PI4KA: variants seen among roughly 807,000 people sequenced by gnomAD.
PI4KA encodes the protein PI4-kinase alpha.
Under a neutral mutation model 271.4 loss-of-function variants are expected in PI4KA, and 122 were observed. That is an observed-to-expected ratio of 0.45 (90% CI 0.39 to 0.52). PI4KA has a LOEUF of 0.52. PI4KA is among the 20% of genes least tolerant of loss of function. PI4KA has a pLI of 0.00. For missense variants in PI4KA, 1,969 were observed against 2,769.1 expected (o/e 0.71, Z 6.48); for synonymous variants, 1,041 against 1,078.8 (o/e 0.96, Z 0.69).
chr22:20,756,153 G>A (rs1015755788), intron 23 of PI4KA, among the ~76,000 whole-genome samples: 4 of 152,122 alleles, frequency 2.6e-5, no homozygotes, highest in Non-Finnish European at 4.4e-5. Flanking sequence ...TTTCTTAAGA[G>A]GCTGGGTTGG....
chr22:20,731,853 C>A (rs186758196), intron 36 of PI4KA, among the ~76,000 whole-genome samples: 1 of 151,608 alleles, frequency 6.6e-6, no homozygotes, highest in Non-Finnish European at 1.5e-5. Flanking sequence ...GGTGTGAACC[C>A]GGGAGGCGGA....
At chr22:20,801,403 G>A (rs1935320278) in intron 14 of PI4KA, among the ~76,000 whole-genome samples, 1 of 150,884 alleles carries the variant, frequency 6.6e-6, no homozygotes, top group Non-Finnish European at 1.5e-5. Context: ...GGCCAACATA[G>A]TGAAATCCCA....
chr22:20,762,202 A>G (rs1932038007), intron 22 of PI4KA, among the ~76,000 whole-genome samples: 1 of 152,238 alleles, frequency 6.6e-6, no homozygotes, highest in African/African-American at 2.4e-5. Flanking sequence ...CTAAGGCAGC[A>G]GCGGCTCGGC....
At chr22:20,791,306 C>T (rs1335892104) in intron 19 of PI4KA, among the ~76,000 whole-genome samples, 1 of 152,214 alleles carries the variant, frequency 6.6e-6, no homozygotes, top group African/African-American at 2.4e-5. Context: ...AACTTGCTCT[C>T]CTGCAGAGCC....
intron 1 of PI4KA, among the ~76,000 whole-genome samples, chr22:20,846,321 G>A (rs562485813): frequency 4.1e-5 from 6 of 146,356 alleles, no homozygotes; most frequent in East Asian, 2.0e-4. Context: ...TTTCTACAAC[G>A]CAGCAATGAG....
chr22:20,844,894 G>A (rs1308189887), intron 1 of PI4KA, among the ~76,000 whole-genome samples: 1 of 152,092 alleles, frequency 6.6e-6, no homozygotes, highest in Non-Finnish European at 1.5e-5. Flanking sequence ...TTGAAAAAAT[G>A]AAAAGAAAAA....
At chr22:20,803,421 C>T (rs1935456170) in intron 12 of PI4KA, 101 bp from the exon 13 acceptor site, 1 of 1,457,810 alleles carries the variant, frequency 6.9e-7, no homozygotes, top group African/African-American at 1.4e-5. Flanking sequence ...CAAGTCTGAC[C>T]CAAAACTTCG....
chr22:20,858,641 C>A lies in PI4KA; in HGVS notation c.85G>T (p.Gly29Cys). The A allele has an allele frequency of 6.7e-7, 1 of 1,485,984 alleles. No individual in the cohort carries two copies. The highest frequency in any genetic ancestry group is 8.9e-7 in the Non-Finnish European group (1 of 1,124,614). 92.0% of individuals were successfully genotyped at this position (1,485,984 alleles called of 1,614,324 possible). The change falls in exon 1 of 55, where the codon GGC (glycine) becomes TGC (cysteine). Residue 29 changes from glycine to cysteine, a missense_variant. Physicochemically the swap from Gly to Cys is radical, Grantham distance 159. Transcript: ENST00000255882. ...CSGSGSSASR[G>C]FYFNTVLSLA... The stretch of plus-strand genomic sequence containing the variant: ...GACAGGACCGTGTTGAAATAGAAGC[C>A]CCGCGAGGCGCTGGAGCCGGAGCCG...
chr22:20,780,328 T>C, intron 19 of PI4KA: 1 of 1,443,210 alleles, frequency 6.9e-7, no homozygotes, highest in South Asian at 1.2e-5. Flanking sequence ...CAAGATTGAC[T>C]CTGGAACGGG....
chr22:20,790,693 AAAAC>A (rs1453564190), intron 19 of PI4KA, among the ~76,000 whole-genome samples: 16 of 99,624 alleles, frequency 1.6e-4, no homozygotes, highest in East Asian at 2.8e-4. Flanking sequence ...AAATTTAAAA[AAAAC>A]AAACACACAC....
In PI4KA at chr22:20,710,058, A is replaced by C. The variant is rs953670714; in HGVS notation, c.6084-61T>G. ...CAGCCTAGGTGGTGGCCCTGCCTGT[A>C]GTCCTGTGGACTGGCTGATGCCAAC... On this transcript the variant is annotated intron_variant, in intron 52 of 54. Coordinates refer to ENST00000255882, the MANE Select transcript of PI4KA (RefSeq NM_058004.4). 7 of 962,506 alleles carry C rather than the reference A, an allele frequency of 7.3e-6. No individual in the cohort carries two copies. The African/African-American group carries it at 1.1e-4, about 15-fold the overall frequency. The allele number at this position is 962,506 out of a possible 1,614,324, so 59.6% of individuals were successfully genotyped here.
chr22:20,813,019 C>T (rs1464101440), intron 8 of PI4KA, among the ~76,000 whole-genome samples: 1 of 152,200 alleles, frequency 6.6e-6, no homozygotes, highest in Non-Finnish European at 1.5e-5. Context: ...AAGTCAAGCC[C>T]AGGAAAAGCA....
intron 25 of PI4KA, among the ~76,000 whole-genome samples, chr22:20,752,212 C>T (rs1222862325): frequency 6.6e-6 from 1 of 152,202 alleles, no homozygotes; most frequent in Non-Finnish European, 1.5e-5. Flanking sequence ...ACCAGTGGCC[C>T]ACTGCTCAGG....
intron 4 of PI4KA, among the ~76,000 whole-genome samples, chr22:20,822,385 C>T (rs940071323): frequency 6.2e-5 from 7 of 112,702 alleles, no homozygotes; most frequent in South Asian, 5.2e-4. Flanking sequence ...AGTCTTCTTT[C>T]GCACCTGCTT....
chr22:20,818,596 C>G, intron 6 of PI4KA, 47 bp from the exon 7 acceptor site: 1 of 1,411,254 alleles, frequency 7.1e-7, no homozygotes, highest in Non-Finnish European at 9.5e-7. Flanking sequence ...CCAGTGAGAC[C>G]TCCATCAGAT....
Position 20,858,589 on chromosome 22 carries a change from C to G in PI4KA, c.137G>C (p.Arg46Thr). The G allele has an allele frequency of 2.0e-6, 3 of 1,463,602 alleles. No homozygotes were observed. The highest frequency in any genetic ancestry group is 2.7e-6 in the Non-Finnish European group (3 of 1,110,882). 90.7% of individuals were successfully genotyped at this position (1,463,602 alleles called of 1,614,324 possible). The change falls in exon 1 of 55, where the codon AGA (arginine) becomes ACA (threonine). Residue 46 changes from arginine to threonine, a missense_variant. Arg to Thr is a moderately conservative substitution (Grantham distance 71). This residue lies in a region of PI4KA where 540 missense variants were observed against 555.5 expected (regional missense o/e 0.97). Transcript: ENST00000255882. Reference protein sequence around the residue: ...LSLARSLAVQRPASLEKVQKL... With the variant: ...LSLARSLAVQTPASLEKVQKL... The stretch of plus-strand genomic sequence containing the variant: ...CGTTACCTTCTCCAAGGATGCTGGT[C>G]TCTGCACCGCCAGGGAGCGGGCCAG...
intron 9 of PI4KA, among the ~76,000 whole-genome samples, chr22:20,807,804 C>T (rs998358856): frequency 3.3e-5 from 5 of 152,170 alleles, no homozygotes; most frequent in African/African-American, 9.7e-5. Flanking sequence ...TGACAAAGGC[C>T]ACCAGAGTAA....
chr22:20,745,616 ATAAAT>A (rs1366105546), intron 29 of PI4KA, among the ~76,000 whole-genome samples: 1 of 152,180 alleles, frequency 6.6e-6, no homozygotes, highest in Non-Finnish European at 1.5e-5. Context: ...ATTTAAAAAA[ATAAAT>A]TACGTGAAAC....
At chr22:20,828,633 C>A (rs1305201890) in intron 3 of PI4KA, among the ~76,000 whole-genome samples, 1 of 152,006 alleles carries the variant, frequency 6.6e-6, no homozygotes, top group East Asian at 1.9e-4. Context: ...CGGCTCACTG[C>A]AACCTCTGCC....
Sources: gnomAD v4.1 joint callset for allele counts (sites outside exome capture counted in the v4.1 genomes callset) on GRCh38, gnomAD v4.1.1 for gene constraint, gnomAD v4.1.1 regional missense constraint, MANE v1.5 for transcripts, NCBI Gene and HGNC (gene_info 2026-07-23, HGNC 2026-07-21) for gene names.